The following ITPR1 variants were observed in gnomAD, a reference collection of about 807,000 sequenced individuals.
ITPR1 encodes the protein inositol 1,4,5-trisphosphate receptor type 1.
Under a neutral mutation model 318.4 loss-of-function variants are expected in ITPR1, and 96 were observed. The observed-to-expected ratio is 0.30, with a 90% CI of 0.26 to 0.36. ITPR1 has a LOEUF of 0.36. ITPR1 is among the 10% of genes least tolerant of loss of function. The pLI is 1.00. For synonymous variants in ITPR1, 1,312 were observed against 1,289.9 expected (o/e 1.02, Z -0.37); for missense variants, 2,440 against 3,460.2 (o/e 0.71, Z 7.40).
At chr3:4,807,195 C>T (rs966961352) in intron 55 of ITPR1, among the ~76,000 whole-genome samples, 6 of 147,270 alleles carry the variant, frequency 4.1e-5, no homozygotes, top group Non-Finnish European at 8.9e-5. Context: ...TTACAAAAGG[C>T]AGAGCAAGGG....
chr3:4,680,432 C>G, intron 24 of ITPR1, 121 bp from the exon 25 acceptor site: 1 of 824,394 alleles, frequency 1.2e-6, no homozygotes, highest in Non-Finnish European at 1.9e-6. Flanking sequence ...ACTTGGCTCA[C>G]TTAGTGCTTA....
At chr3:4,784,600 G>A (rs1367959949) in intron 51 of ITPR1, among the ~76,000 whole-genome samples, 1 of 150,618 alleles carries the variant, frequency 6.6e-6, no homozygotes, top group Non-Finnish European at 1.5e-5. Context: ...GTGTCATGTG[G>A]CTGGGCACAG....
chr3:4,501,099 C>T (rs1198773682), intron 2 of ITPR1, among the ~76,000 whole-genome samples: 2 of 151,664 alleles, frequency 1.3e-5, no homozygotes, highest in East Asian at 3.9e-4. Flanking sequence ...TAGGCTCAAA[C>T]GATCCTCTCG....
intron 4 of ITPR1, among the ~76,000 whole-genome samples, chr3:4,531,987 T>C (rs1380106944): frequency 6.6e-6 from 1 of 152,200 alleles, no homozygotes; most frequent in Non-Finnish European, 1.5e-5. Context: ...GAAATTATTA[T>C]GTATACCTCA....
intron 44 of ITPR1, among the ~76,000 whole-genome samples, chr3:4,745,046 T>G (rs528395557): frequency 1.0e-4 from 1 of 9,882 alleles, no homozygotes; most frequent in South Asian, 4.7e-3. Flanking sequence ...CTTTATCTCT[T>G]TCTTTTCCTT....
chr3:4,678,832 T>C (rs746183709), intron 24 of ITPR1, among the ~76,000 whole-genome samples: 1 of 152,138 alleles, frequency 6.6e-6, no homozygotes, highest in Non-Finnish European at 1.5e-5. Flanking sequence ...TGGGCAGTTC[T>C]TGCTGAGCAG....
intron 4 of ITPR1, among the ~76,000 whole-genome samples, chr3:4,563,057 G>A (rs887528807): frequency 6.6e-6 from 1 of 152,194 alleles, no homozygotes; most frequent in Non-Finnish European, 1.5e-5. Flanking sequence ...CTGGCCACTT[G>A]TATCTCTGGG....
chr3:4,499,468 T>G (rs2080856747), intron 2 of ITPR1, among the ~76,000 whole-genome samples: 1 of 152,112 alleles, frequency 6.6e-6, no homozygotes, highest in Non-Finnish European at 1.5e-5. Flanking sequence ...GAGTCTAGGT[T>G]TATACTTCCC....
intron 33 of ITPR1, among the ~76,000 whole-genome samples, chr3:4,694,250 A>G (rs1447936345): frequency 6.6e-6 from 1 of 150,820 alleles, no homozygotes; most frequent in African/African-American, 2.4e-5. Context: ...TCCTACTCAT[A>G]GATTATATTG....
intron 56 of ITPR1, among the ~76,000 whole-genome samples, chr3:4,811,829 C>T (rs528034868): frequency 7.2e-5 from 11 of 152,240 alleles, no homozygotes; most frequent in African/African-American, 2.4e-4. Context: ...CGACTGTGCA[C>T]GTAGAAACAG....
chr3:4,761,465 TATTCCATGTTTTA>T (rs1307305047), intron 44 of ITPR1, among the ~76,000 whole-genome samples: 1 of 152,204 alleles, frequency 6.6e-6, no homozygotes, highest in African/African-American at 2.4e-5. Context: ...GGCTGTGTAG[TATTCCATGTTTTA>T]TATGTACCAC....
At chr3:4,554,391 T>C (rs1406549757) in intron 4 of ITPR1, among the ~76,000 whole-genome samples, 1 of 152,256 alleles carries the variant, frequency 6.6e-6, no homozygotes, top group African/African-American at 2.4e-5. Flanking sequence ...TACTTTCCTT[T>C]AGGAAGATTA....
intron 26 of ITPR1, 48 bp downstream of exon 26, chr3:4,681,466 G>T: frequency 8.1e-7 from 1 of 1,231,716 alleles, no homozygotes; most frequent in Non-Finnish European, 1.2e-6. Context: ...TGCTCTTCCA[G>T]AGCTCTCAGA....
chr3:4,581,598 C>A (rs985083847), intron 4 of ITPR1, among the ~76,000 whole-genome samples: 1 of 152,184 alleles, frequency 6.6e-6, no homozygotes, highest in Non-Finnish European at 1.5e-5. Flanking sequence ...ATGAAGCAAA[C>A]ATCTATTTTT....
intron 4 of ITPR1, among the ~76,000 whole-genome samples, chr3:4,578,677 G>A (rs749039021): frequency 1.3e-5 from 2 of 152,170 alleles, no homozygotes; most frequent in African/African-American, 4.8e-5. Flanking sequence ...TCCAACCAAC[G>A]TTTGTGTATG....
At chr3:4,631,873 A>G (rs770964404) in intron 5 of ITPR1, among the ~76,000 whole-genome samples, 7 of 152,158 alleles carry the variant, frequency 4.6e-5, no homozygotes, top group Non-Finnish European at 1.0e-4. Flanking sequence ...TGCAGCCTTG[A>G]CAACCTGAGC....
intron 61 of ITPR1, among the ~76,000 whole-genome samples, chr3:4,839,228 G>A (rs755834603): frequency 2.6e-5 from 4 of 152,138 alleles, no homozygotes; most frequent in Non-Finnish European, 4.4e-5. Flanking sequence ...TCAGGAGGCT[G>A]AGGCAGGAGA....
intron 40 of ITPR1, among the ~76,000 whole-genome samples, chr3:4,723,415 C>T (rs904159304): frequency 6.6e-6 from 1 of 151,950 alleles, no homozygotes; most frequent in African/African-American, 2.4e-5. Context: ...CAAACGGCTT[C>T]GTAAAATTTT....
chr3:4,674,068 G>A (rs2094140043), intron 21 of ITPR1, 134 bp from the exon 22 acceptor site: 1 of 650,694 alleles, frequency 1.5e-6, no homozygotes, highest in Non-Finnish European at 2.6e-6. Flanking sequence ...TATATGCTAA[G>A]GAGGGAAAAA....
Sources: allele counts gnomAD v4.1 joint callset (sites outside exome capture counted in the v4.1 genomes callset), GRCh38; gene constraint gnomAD v4.1.1; transcripts MANE v1.5; gene names NCBI Gene and HGNC (gene_info 2026-07-23, HGNC 2026-07-21).